The following IL13RA1 variants were observed in gnomAD, a reference collection of about 807,000 sequenced individuals.
IL13RA1 encodes the protein interleukin-13 receptor subunit alpha-1.
In IL13RA1, 14 loss-of-function variants were observed where a neutral mutation model predicts 33.8. The observed-to-expected ratio is 0.41, with a 90% CI of 0.27 to 0.65. The LOEUF is 0.65. Among genes scored for constraint, IL13RA1 ranks in the 30% least tolerant of loss-of-function variants. IL13RA1 has a pLI of 0.28. For missense variants in IL13RA1, 313 were observed against 327.0 expected, an observed-to-expected ratio of 0.96 and a Z score of 0.33; for synonymous variants, 116 against 115.7, an observed-to-expected ratio of 1.00 and a Z score of -0.02.
Position 118,727,721 on chromosome X carries a change from C to T in IL13RA1, c.83C>T (p.Pro28Leu), listed in dbSNP as rs1227321444. 13 of 873,940 alleles carry T rather than the reference C, an allele frequency of 1.5e-5. No individual in the cohort carries two copies. The highest frequency in any genetic ancestry group is 1.8e-5 in the Non-Finnish European group (13 of 705,983). The allele number at this position is 873,940 out of a possible 1,213,427, so 72.0% of individuals were successfully genotyped here. A position where few individuals can be genotyped will look rare whatever the true frequency, so the allele number is the denominator to read the frequency against. Residue 28 changes from proline (P) to leucine (L), a missense_variant, in exon 1 of 11, where the codon CCT becomes CTT. Coordinates refer to ENST00000371666, the MANE Select transcript of IL13RA1 (RefSeq NM_001560.3). The stretch of plus-strand genomic sequence containing the variant: ...GGGGGCGGGGGCGGGGGCGCCGCGC[C>T]TACGGGTGAGTGCGACCCTCGGGGC... Reference protein sequence around the residue: ...GGGGGGGGAAPTETQPPVTNL... With the variant: ...GGGGGGGGAALTETQPPVTNL...
intron 4 of IL13RA1, among the ~76,000 whole-genome samples, chrX:118,750,389 TA>T (rs764466256): frequency 2.0e-4 from 21 of 103,498 alleles, no homozygotes; most frequent in South Asian, 4.2e-4. Flanking sequence ...AAGACTGGCT[TA>T]AAAAAAAAAA....
intron 9 of IL13RA1, 142 bp downstream of exon 9, chrX:118,774,117 A>C (rs1345924557): frequency 3.5e-5 from 14 of 399,758 alleles, no homozygotes; most frequent in Non-Finnish European, 6.0e-5. Context: ...ATGACATGAC[A>C]AGGAAGTATT....
At chrX:118,743,310 G>T (rs1272335113) in intron 2 of IL13RA1, among the ~76,000 whole-genome samples, 1 of 111,879 alleles carries the variant, frequency 8.9e-6, no homozygotes, top group African/African-American at 3.2e-5. Context: ...ACATTAGGGG[G>T]CTTAGGAAAA....
downstream of IL13RA1, among the ~76,000 whole-genome samples, chrX:118,798,148 G>A (rs1158503048): frequency 9.0e-6 from 1 of 111,527 alleles, no homozygotes; most frequent in Non-Finnish European, 1.9e-5. Flanking sequence ...TTGCTTTTAT[G>A]CCTCTCAACA....
At chrX:118,786,217 C>T (rs762194582) in intron 10 of IL13RA1, among the ~76,000 whole-genome samples, 4 of 109,953 alleles carry the variant, frequency 3.6e-5, no homozygotes, top group South Asian at 7.9e-4. Flanking sequence ...AGCAAAACCC[C>T]GTCTCTACTA....
intron 10 of IL13RA1, among the ~76,000 whole-genome samples, chrX:118,781,867 T>TA (rs1212626910): frequency 9.0e-6 from 1 of 111,646 alleles, no homozygotes; most frequent in Non-Finnish European, 1.9e-5. Flanking sequence ...TTTAAGGTGA[T>TA]ACAACAGCAT....
intron 10 of IL13RA1, among the ~76,000 whole-genome samples, chrX:118,782,877 C>T (rs751517159): frequency 9.0e-6 from 1 of 111,132 alleles, no homozygotes; most frequent in East Asian, 2.8e-4. Context: ...GCTGGGATTA[C>T]AGGCATGAGC....
chrX:118,745,716 A>T (rs2017396746), intron 2 of IL13RA1, among the ~76,000 whole-genome samples: 1 of 111,773 alleles, frequency 8.9e-6, no homozygotes, highest in African/African-American at 3.3e-5. Context: ...CAACATGTAG[A>T]TGAAAGGAAA....
intron 8 of IL13RA1, among the ~76,000 whole-genome samples, chrX:118,773,266 A>G (rs1445795431): frequency 1.8e-5 from 2 of 112,010 alleles, no homozygotes; most frequent in East Asian, 5.5e-4. Flanking sequence ...TGAGGCGGAC[A>G]GAACACTTGA....
chrX:118,798,611 C>T (rs1295135481), downstream of IL13RA1, among the ~76,000 whole-genome samples: 2 of 112,450 alleles, frequency 1.8e-5, no homozygotes, highest in Non-Finnish European at 3.8e-5. Flanking sequence ...CCTCCACTTC[C>T]AGCTTCTGTT....
downstream of IL13RA1, among the ~76,000 whole-genome samples, chrX:118,798,742 C>T (rs1252054064): frequency 8.9e-6 from 1 of 112,566 alleles, no homozygotes; most frequent in Non-Finnish European, 1.9e-5. Flanking sequence ...CAGACAGGGT[C>T]TCATTCTATT....
In IL13RA1 at chrX:118,754,498, G is replaced by T. The variant is rs576240281; in HGVS notation, c.489-3557G>T. Among the ~76,000 whole-genome samples the T allele has an allele frequency of 1.5e-3, 162 of 109,627 alleles. 1 individual carries two copies. Among genetic ancestry groups the T allele is most frequent in the African/African-American group, 5.0e-3 (151 of 30,103 alleles). On this transcript the variant is annotated intron_variant, in intron 4 of 10. Coordinates refer to ENST00000371666, the MANE Select transcript of IL13RA1 (RefSeq NM_001560.3). Reference sequence around the variant, plus strand: ...TAAAAATACAAAAAAATAGCCAGGCGTGGTGGCGGGCACCTGTAGTCCCAG... The same window carrying T: ...TAAAAATACAAAAAAATAGCCAGGCTTGGTGGCGGGCACCTGTAGTCCCAG...
At chrX:118,759,572 G>C (rs1355149085) in intron 5 of IL13RA1, among the ~76,000 whole-genome samples, 2 of 110,722 alleles carry the variant, frequency 1.8e-5, no homozygotes, top group Non-Finnish European at 3.8e-5. Context: ...GATTATCTTA[G>C]ATGATCTTTT....
Position 118,741,034 on chromosome X carries a change from A to T in IL13RA1, c.106A>T (p.Thr36Ser). Residue 36 changes from threonine to serine, a missense_variant, in exon 2 of 11, where the codon ACA (threonine) becomes TCA (serine). Physicochemically the swap from Thr to Ser is moderately conservative, Grantham distance 58 (BLOSUM62 1). Transcript: ENST00000371666. The stretch of plus-strand genomic sequence containing the variant: ...TTGAACAGAAACTCAGCCACCTGTG[A>T]CAAATTTGAGTGTCTCTGTTGAAAA... The part of the protein sequence containing the change: ...AAPTETQPPV[T>S]NLSVSVENLC... The T allele has an allele frequency of 8.9e-7, 1 of 1,125,305 alleles. No homozygotes were observed. Among genetic ancestry groups the T allele is most frequent in the Non-Finnish European group, 1.2e-6 (1 of 817,748 alleles). 92.7% of individuals were successfully genotyped at this position (1,125,305 alleles called of 1,213,427 possible).
At chrX:118,803,576 T>C in the IL13RA1 span, among the ~76,000 whole-genome samples, 1 of 112,368 alleles carries the variant, frequency 8.9e-6, no homozygotes, top group Non-Finnish European at 1.9e-5. Context: ...GTGTTTACAT[T>C]TCCCCAATTG....
intron 6 of IL13RA1, among the ~76,000 whole-genome samples, chrX:118,765,838 T>C (rs1431199678): frequency 8.9e-6 from 1 of 112,631 alleles, no homozygotes; most frequent in Non-Finnish European, 1.9e-5. Flanking sequence ...TATTGTTATC[T>C]TGTGGATTTA....
At chrX:118,737,560 A>C (rs2017295725) in intron 1 of IL13RA1, among the ~76,000 whole-genome samples, 1 of 111,900 alleles carries the variant, frequency 8.9e-6, no homozygotes, top group Admixed American at 9.5e-5. Flanking sequence ...GAGAAAAAGA[A>C]AAGGATAGCA....
At chrX:118,747,378 C>T (rs2017418749) in intron 3 of IL13RA1, among the ~76,000 whole-genome samples, 1 of 109,672 alleles carries the variant, frequency 9.1e-6, no homozygotes, top group Non-Finnish European at 1.9e-5. Flanking sequence ...CTCACACACA[C>T]ACACACGCAC....
the IL13RA1 span, among the ~76,000 whole-genome samples, chrX:118,800,054 A>G: frequency 1.3e-4 from 14 of 110,373 alleles, no homozygotes; most frequent in African/African-American, 4.0e-4. Context: ...CTCTGTATCT[A>G]GCTGCTCTGG....
Sources: gnomAD v4.1 joint callset for allele counts (sites outside exome capture counted in the v4.1 genomes callset) on GRCh38, gnomAD v4.1.1 for gene constraint, MANE v1.5 for transcripts, NCBI Gene and HGNC (gene_info 2026-07-23, HGNC 2026-07-21) for gene names.